The following CCDC91 variants were observed in gnomAD, a reference collection of about 807,000 sequenced individuals.
The protein encoded by CCDC91 is coiled-coil domain containing 91.
In CCDC91, 48 loss-of-function variants were observed where a neutral mutation model predicts 63.2. That is an observed-to-expected ratio of 0.76 (90% CI 0.60 to 0.97). The LOEUF (loss-of-function observed/expected upper bound fraction) is 0.97. Ranked by LOEUF, CCDC91 falls within the 50% of genes least tolerant of loss-of-function variation. The pLI is 0.00. For synonymous variants in CCDC91, 167 were observed against 165.8 expected, an observed-to-expected ratio of 1.01 and a Z score of -0.06; for missense variants, 500 against 494.6, an observed-to-expected ratio of 1.01 and a Z score of -0.10.
chr12:28,391,983 A>C (rs944326390), intron 8 of CCDC91, among the ~76,000 whole-genome samples: 9 of 152,206 alleles, frequency 5.9e-5, no homozygotes, highest in Admixed American at 5.9e-4. Flanking sequence ...TTGGAATGTG[A>C]AAATTAAATT....
At chr12:28,266,375 C>G (rs1375646771) in intron 3 of CCDC91, among the ~76,000 whole-genome samples, 2 of 151,924 alleles carry the variant, frequency 1.3e-5, no homozygotes, top group Admixed American at 6.6e-5. Flanking sequence ...TAGATGATAT[C>G]TAAACAATTC....
At chr12:28,441,657 A>G (rs939880562) in intron 8 of CCDC91, among the ~76,000 whole-genome samples, 5 of 148,428 alleles carry the variant, frequency 3.4e-5, no homozygotes, top group Non-Finnish European at 5.9e-5. Flanking sequence ...TCATATGTGT[A>G]TATATATATA....
rs192731046 is a variant in CCDC91, at chr12:28,485,352, G to A, written c.1215+1187G>A. On this transcript the variant is annotated intron_variant, in intron 12 of 12. Coordinates refer to ENST00000536442, the MANE Select transcript of CCDC91 (RefSeq NM_018318.5). Reference sequence around the variant, plus strand: ...TTTTTTATTTTTTATTTTTAGTAGAGATGGGGTTTCACCATGTTGTCCAGG... The same window carrying A: ...TTTTTTATTTTTTATTTTTAGTAGAAATGGGGTTTCACCATGTTGTCCAGG... Among the ~76,000 whole-genome samples, 178 of 151,996 alleles carry A rather than the reference G, an allele frequency of 1.2e-3. 2 individuals carry two copies. The highest frequency in any genetic ancestry group is 3.4e-3 in the Middle Eastern group (1 of 294).
chr12:28,279,222 T>C lies in CCDC91; in HGVS notation c.109+19780T>C, dbSNP rs1565722654. Reference sequence around the variant, plus strand: ...TTGTATTTTAATCTTCCAAATCTTTTATGTGATATAAAAGTTTGTCTCTGT... The same window carrying C: ...TTGTATTTTAATCTTCCAAATCTTTCATGTGATATAAAAGTTTGTCTCTGT... On this transcript the variant is annotated intron_variant, in intron 3 of 12. Transcript: ENST00000536442. Among the ~76,000 whole-genome samples the C allele has an allele frequency of 2.2e-5, 3 of 137,598 alleles. No individual in the cohort carries two copies. In the South Asian group the frequency reaches 7.5e-4, roughly 34 times the overall value. 90.3% of individuals were successfully genotyped at this position (137,598 alleles called of 152,430 possible).
chr12:28,497,379 G>A (rs1412219539), intron 12 of CCDC91, among the ~76,000 whole-genome samples: 1 of 151,570 alleles, frequency 6.6e-6, no homozygotes, highest in Admixed American at 6.6e-5. Flanking sequence ...CTTGAACAAG[G>A]AGAAATTTCC....
intron 11 of CCDC91, among the ~76,000 whole-genome samples, chr12:28,462,199 T>C (rs1448766529): frequency 2.0e-5 from 3 of 152,044 alleles, no homozygotes; most frequent in Non-Finnish European, 4.4e-5. Context: ...GTTACTGAGA[T>C]AAAAAGCAAA....
chr12:28,260,066 T>C (rs929266000), intron 3 of CCDC91, among the ~76,000 whole-genome samples: 1 of 151,988 alleles, frequency 6.6e-6, no homozygotes, highest in African/African-American at 2.4e-5. Flanking sequence ...TATTGTAAAA[T>C]ATTAATCAAG....
Position 28,471,494 on chromosome 12 carries a change from A to G in CCDC91, c.1102-12558A>G, listed in dbSNP as rs144725795. On this transcript the variant is annotated intron_variant, in intron 11 of 12. Coordinates refer to ENST00000536442, the MANE Select transcript of CCDC91 (RefSeq NM_018318.5). ...AAAGCTGGGAGATTCAATTCAAGGA[A>G]TATATAGGGAACCCTCAAGAATAGG... 2.8e-3 allele frequency among the ~76,000 whole-genome samples: 422 copies of G among 152,238 alleles called. 6 individuals are homozygous for G. Among genetic ancestry groups the G allele is most frequent in the African/African-American group, 9.6e-3 (398 of 41,566 alleles).
At chr12:28,304,234 G>A (rs1351002859) in intron 3 of CCDC91, among the ~76,000 whole-genome samples, 1 of 151,250 alleles carries the variant, frequency 6.6e-6, no homozygotes, top group African/African-American at 2.4e-5. Context: ...AAAATTAGCT[G>A]AGCGTGGTGG....
At chr12:28,510,793 A>AT (rs1304242353) in intron 12 of CCDC91, among the ~76,000 whole-genome samples, 2 of 151,790 alleles carry the variant, frequency 1.3e-5, no homozygotes, top group Non-Finnish European at 2.9e-5. Context: ...CTATGAGATA[A>AT]TTTTTTTAGC....
At chr12:28,438,039 A>G (rs138373892) in intron 8 of CCDC91, among the ~76,000 whole-genome samples, 2 of 152,288 alleles carry the variant, frequency 1.3e-5, no homozygotes, top group Admixed American at 1.3e-4. Context: ...TAGGAATTGT[A>G]GAGTGTAAGG....
At chr12:28,306,693 A>T (rs1407260829) in intron 4 of CCDC91, 49 bp from the exon 5 acceptor site, 1 of 1,277,102 alleles carries the variant, frequency 7.8e-7, no homozygotes, top group Non-Finnish European at 1.1e-6. Flanking sequence ...CATTATTGGT[A>T]TAGTGTAAAC....
At chr12:28,417,620 G>GATATATATATAT (rs34996637) in intron 8 of CCDC91, among the ~76,000 whole-genome samples, 196 of 139,732 alleles carry the variant, frequency 1.4e-3, no homozygotes, top group African/African-American at 4.7e-3. Context: ...GAACCTTTGA[G>GATATATATATAT]ATATATATAT....
chr12:28,433,465 A>G (rs2140113182), intron 8 of CCDC91, among the ~76,000 whole-genome samples: 1 of 152,070 alleles, frequency 6.6e-6, no homozygotes, highest in East Asian at 1.9e-4. Context: ...CCAATTTTTT[A>G]AAAAGACTAT....
At chr12:28,253,034 G>A (rs1424695938) in intron 1 of CCDC91, among the ~76,000 whole-genome samples, 1 of 152,144 alleles carries the variant, frequency 6.6e-6, no homozygotes, top group Non-Finnish European at 1.5e-5. Flanking sequence ...GCTGGAATTT[G>A]AATCCAGCCA....
Position 28,305,589 on chromosome 12 carries a change from T to C in CCDC91, c.110-60T>C, listed in dbSNP as rs554433711. The C allele has an allele frequency of 5.8e-5, 82 of 1,423,222 alleles. No individual in the cohort carries two copies. In the Admixed American group the frequency reaches 7.1e-4, roughly 12 times the overall value. 88.2% of individuals were successfully genotyped at this position (1,423,222 alleles called of 1,614,324 possible). ...AGCTCTCTTTCTTCCTTTCAACCTGTTCCCTCTCTGTTTTCTCTTTAATAA... is the reference window on the plus strand; with the variant it reads ...AGCTCTCTTTCTTCCTTTCAACCTGCTCCCTCTCTGTTTTCTCTTTAATAA... On this transcript the variant is annotated intron_variant, in intron 3 of 12. Coordinates refer to ENST00000536442, the MANE Select transcript of CCDC91 (RefSeq NM_018318.5).
rs560493458 is a variant in CCDC91, at chr12:28,511,583, A to G, written c.1215+27418A>G. 9.2e-5 allele frequency among the ~76,000 whole-genome samples: 14 copies of G among 152,026 alleles called. No individual in the cohort carries two copies. The South Asian group carries it at 2.7e-3, about 29-fold the overall frequency. ...GTTCCAGTATAAGCAAAGGTGCTGG[A>G]TAGTTTGTAGGCACTCATTAAATAT... is the stretch of plus-strand genomic sequence containing the variant. On this transcript the variant is annotated intron_variant, in intron 12 of 12. Transcript: ENST00000536442.
At chr12:28,285,136 G>T (rs1165259546) in intron 3 of CCDC91, among the ~76,000 whole-genome samples, 1 of 152,130 alleles carries the variant, frequency 6.6e-6, no homozygotes, top group Non-Finnish European at 1.5e-5. Flanking sequence ...TGTGAAAATG[G>T]AGAGGATTGA....
chr12:28,343,995 A>G (rs1420249351), intron 6 of CCDC91, among the ~76,000 whole-genome samples: 1 of 152,178 alleles, frequency 6.6e-6, no homozygotes, highest in Non-Finnish European at 1.5e-5. Context: ...GATGTGATTC[A>G]TATTTTATAA....
Sources: gnomAD v4.1 joint callset for allele counts (sites outside exome capture counted in the v4.1 genomes callset) on GRCh38, gnomAD v4.1.1 for gene constraint, MANE v1.5 for transcripts, NCBI Gene and HGNC (gene_info 2026-07-23, HGNC 2026-07-21) for gene names.